SV2C: variants seen among roughly 807,000 people sequenced by gnomAD.
SV2C encodes solute carrier family 22 member B3.
A neutral mutation model predicts 79.7 loss-of-function variants in SV2C; 49 were observed. The ratio of observed to expected loss-of-function variants is 0.61; its 90% CI spans 0.49 to 0.78. SV2C has a LOEUF of 0.78. Ranked by LOEUF, SV2C falls within the 30% of genes least tolerant of loss-of-function variation. SV2C has a pLI of 0.00. For synonymous variants in SV2C, 334 were observed against 333.2 expected (o/e 1.00, Z -0.03); for missense variants, 833 against 912.9 (o/e 0.91, Z 1.13).
At chr5:76,352,124 A>T (rs1749653539) in intron 12 of SV2C, among the ~76,000 whole-genome samples, 1 of 152,106 alleles carries the variant, frequency 6.6e-6, no homozygotes, top group Non-Finnish European at 1.5e-5. Context: ...GAGGCAGGAG[A>T]ATTACTTGAA....
chr5:75,902,788 G>C, the SV2C span, among the ~76,000 whole-genome samples: 1 of 152,112 alleles, frequency 6.6e-6, no homozygotes, highest in Non-Finnish European at 1.5e-5. Flanking sequence ...CTAAAATAGG[G>C]CTAACAAAAT....
chr5:76,216,911 G>A (rs1021416712), intron 4 of SV2C, among the ~76,000 whole-genome samples: 26 of 152,164 alleles, frequency 1.7e-4, no homozygotes, highest in Admixed American at 1.0e-3. Context: ...GCTAGACTGC[G>A]GCACTGTCCG....
Position 76,306,039 on chromosome 5 carries a change from AG to A in SV2C, c.2000+4499del, listed in dbSNP as rs541582947. 4.6e-5 allele frequency among the ~76,000 whole-genome samples: 7 copies of A among 152,244 alleles called. No individual in the cohort carries two copies. The South Asian group carries it at 1.5e-3, about 32-fold the overall frequency. ...ACAAAAGACACTCTTTTGGTGGAGCAGGGGGAAGGATGGGGTCTCCCTCTGT... is the reference window on the plus strand; with the variant it reads ...ACAAAAGACACTCTTTTGGTGGAGCAGGGGAAGGATGGGGTCTCCCTCTGT... On this transcript the variant is annotated intron_variant, in intron 12 of 12. Transcript: ENST00000502798.
At chr5:76,293,548 C>T (rs1468553524) in intron 8 of SV2C, among the ~76,000 whole-genome samples, 1 of 152,180 alleles carries the variant, frequency 6.6e-6, no homozygotes, top group South Asian at 2.1e-4. Flanking sequence ...GGTAATGTGC[C>T]CTCCTCATTG....
the SV2C span, among the ~76,000 whole-genome samples, chr5:75,963,388 G>A: frequency 6.6e-6 from 1 of 152,006 alleles, no homozygotes; most frequent in Non-Finnish European, 1.5e-5. Flanking sequence ...ATGTATTCTG[G>A]CCTCCCTTAT....
the SV2C span, among the ~76,000 whole-genome samples, chr5:76,076,940 G>T: frequency 1.3e-5 from 2 of 152,092 alleles, no homozygotes; most frequent in African/African-American, 4.8e-5. Context: ...GTTTTGTCTT[G>T]TATCCCCCTC....
the SV2C span, among the ~76,000 whole-genome samples, chr5:76,029,547 A>G: frequency 3.9e-5 from 6 of 152,240 alleles, no homozygotes; most frequent in Non-Finnish European, 7.3e-5. Context: ...TACAGTACTA[A>G]GAAGTATTTG....
At chr5:76,182,556 A>T (rs779404471) in intron 2 of SV2C, among the ~76,000 whole-genome samples, 25 of 152,158 alleles carry the variant, frequency 1.6e-4, no homozygotes, top group Non-Finnish European at 2.9e-4. Flanking sequence ...TACTAGAATG[A>T]GGAAAGCGAG....
intron 1 of SV2C, among the ~76,000 whole-genome samples, chr5:76,086,415 C>A (rs535543530): frequency 6.6e-6 from 1 of 152,338 alleles, no homozygotes; most frequent in Non-Finnish European, 1.5e-5. Flanking sequence ...ATTCATATTA[C>A]TCCAGATGAC....
At chr5:76,077,308 C>G in the SV2C span, among the ~76,000 whole-genome samples, 1 of 152,058 alleles carries the variant, frequency 6.6e-6, no homozygotes, top group Non-Finnish European at 1.5e-5. Flanking sequence ...CTGTGGAGAG[C>G]TCTACAGGAC....
intron 4 of SV2C, chr5:76,242,149 C>T: frequency 7.5e-7 from 1 of 1,336,284 alleles, no homozygotes; most frequent in Non-Finnish European, 1.1e-6. Flanking sequence ...GGTACCTTCT[C>T]TCCCTTCTTT....
chr5:76,022,399 T>C, the SV2C span, among the ~76,000 whole-genome samples: 1 of 152,210 alleles, frequency 6.6e-6, no homozygotes, highest in Non-Finnish European at 1.5e-5. Context: ...TTATAACAAA[T>C]TGCATTAGCA....
chr5:76,224,134 G>C (rs1025668788), intron 4 of SV2C, among the ~76,000 whole-genome samples: 4 of 152,006 alleles, frequency 2.6e-5, no homozygotes, highest in Non-Finnish European at 5.9e-5. Flanking sequence ...GCAAACAAAG[G>C]GCCCTCTAGC....
At chr5:75,911,203 G>T in the SV2C span, 2 of 1,591,434 alleles carry the variant, frequency 1.3e-6, no homozygotes, top group South Asian at 1.1e-5. Flanking sequence ...CAATGGCCCT[G>T]CCCAGGCCCA....
chr5:76,062,368 G>A, the SV2C span, among the ~76,000 whole-genome samples: 2 of 152,128 alleles, frequency 1.3e-5, no homozygotes, highest in South Asian at 4.2e-4. Context: ...TCCATCTTCT[G>A]CCATGAGACA....
At chr5:76,300,157 AT>A (rs1747934515) in intron 10 of SV2C, among the ~76,000 whole-genome samples, 2 of 2,202 alleles carry the variant, frequency 9.1e-4, no homozygotes, top group Admixed American at 0.017. Flanking sequence ...CAAATAAAAA[AT>A]TATTATTATT....
chr5:76,279,618 G>A lies in SV2C; in HGVS notation c.914-5544G>A, dbSNP rs77067401. ...AAGACTGGTGGCCTTGGTTAGCGCA[G>A]TTTCTGTGGAATTTGGGAACAGCCT... On this transcript the variant is annotated intron_variant, in intron 4 of 12. Coordinates refer to ENST00000502798, the MANE Select transcript of SV2C (RefSeq NM_014979.4). Among the ~76,000 whole-genome samples the A allele has an allele frequency of 7.2e-3, 1,093 of 152,322 alleles. 8 individuals are homozygous for A. The highest frequency in any genetic ancestry group is 0.021 in the African/African-American group (893 of 41,572).
intron 2 of SV2C, among the ~76,000 whole-genome samples, chr5:76,145,097 A>G (rs7736875): frequency 0.057 from 8,677 of 152,268 alleles, 662 homozygotes; most frequent in East Asian, 0.37. Flanking sequence ...AATTTGCATC[A>G]CCATAGCTGC....
At chr5:76,200,047 G>A (rs1243956751) in intron 3 of SV2C, among the ~76,000 whole-genome samples, 1 of 152,226 alleles carries the variant, frequency 6.6e-6, no homozygotes, top group Admixed American at 6.5e-5. Context: ...TGTGGACACT[G>A]GCTCTAAACT....
Sources: allele counts gnomAD v4.1 joint callset (sites outside exome capture counted in the v4.1 genomes callset), GRCh38; gene constraint gnomAD v4.1.1; transcripts MANE v1.5; gene names NCBI Gene and HGNC (gene_info 2026-07-23, HGNC 2026-07-21).